Variants in WWOX observed in about 807,000 individuals in gnomAD.
WWOX encodes WW domain containing oxidoreductase.
Under a neutral mutation model 46.2 loss-of-function variants are expected in WWOX, and 69 were observed. The observed-to-expected ratio is 1.49, with a 90% CI of 1.23 to 1.82. WWOX has a LOEUF of 1.82. Among genes scored for constraint, WWOX ranks in the 40% most tolerant of loss-of-function variants. The pLI is 0.00. For missense variants in WWOX, 919 were observed against 542.6 expected, an observed-to-expected ratio of 1.69 and a Z score of -6.89; for synonymous variants, 359 against 202.6, an observed-to-expected ratio of 1.77 and a Z score of -6.56.
chr16:78,874,637 A>G (rs190186044), intron 8 of WWOX, among the ~76,000 whole-genome samples: 1 of 151,968 alleles, frequency 6.6e-6, no homozygotes, highest in Non-Finnish European at 1.5e-5. Flanking sequence ...GGTAGTGGAC[A>G]AAAATTGAAA....
At chr16:78,809,180 A>G (rs1300910325) in intron 8 of WWOX, among the ~76,000 whole-genome samples, 1 of 152,016 alleles carries the variant, frequency 6.6e-6, no homozygotes, top group Non-Finnish European at 1.5e-5. Flanking sequence ...ACTTGTGCAA[A>G]TGTTTCTCCT....
At chr16:78,856,252 T>G (rs2052563771) in intron 8 of WWOX, among the ~76,000 whole-genome samples, 1 of 152,114 alleles carries the variant, frequency 6.6e-6, no homozygotes, top group Non-Finnish European at 1.5e-5. Flanking sequence ...GAAAGGGCCT[T>G]GCAACAGGCC....
intron 5 of WWOX, among the ~76,000 whole-genome samples, chr16:78,349,781 C>T (rs1162336391): frequency 1.7e-5 from 2 of 121,004 alleles, no homozygotes; most frequent in African/African-American, 5.6e-5. Flanking sequence ...GTGACAAATT[C>T]AGTGTAGAAA....
rs578040238 is a variant in WWOX at position 78,994,536 on chromosome 16, A to G, written c.1057-217072A>G. The G allele has an allele frequency of 3.9e-5, 6 of 152,318 alleles. No homozygotes were observed. In the East Asian group the frequency reaches 7.7e-4, roughly 20 times the overall value. The allele number at this position is 152,318 out of a possible 1,614,324, so 9.4% of individuals were successfully genotyped here. On this transcript the variant is annotated intron_variant, in intron 8 of 8. Transcript: ENST00000566780. ...CAATGCGAATGGTCTTGTTCTTATC[A>G]ATGAGATCAGATTTCAGAAATGAAT...
chr16:79,015,721 C>A (rs949187284), intron 8 of WWOX, among the ~76,000 whole-genome samples: 3 of 152,242 alleles, frequency 2.0e-5, no homozygotes, highest in Non-Finnish European at 2.9e-5. Context: ...TGGGCTGTTT[C>A]GTCTCTGATC....
At chr16:78,524,820 GTTTT>G (rs36073652) in intron 8 of WWOX, among the ~76,000 whole-genome samples, 1 of 123,214 alleles carries the variant, frequency 8.1e-6, no homozygotes, top group African/African-American at 3.1e-5. Context: ...TTTTTTATGG[GTTTT>G]TTTTTTTTTT....
In WWOX at chr16:78,774,539, C is replaced by A. The variant is rs868784817; in HGVS notation, c.1056+341787C>A. On this transcript the variant is annotated intron_variant, in intron 8 of 8. Transcript: ENST00000566780. ...GTGTGTGTGTGTGTGTGTGCGCGTG[C>A]GCACACGCATGAGCCTGTACGTGTC... 7.1e-4 allele frequency among the ~76,000 whole-genome samples: 107 copies of A among 150,012 alleles called. 1 individual carries two copies. Among genetic ancestry groups the A allele is most frequent in the African/African-American group, 2.6e-3 (106 of 40,690 alleles).
At position 78,920,740 on chromosome 16, in the gene WWOX, G is replaced by A. The variant is rs1035627041; in HGVS notation, c.1057-290868G>A. 2.6e-5 allele frequency among the ~76,000 whole-genome samples: 4 copies of A among 152,250 alleles called. No individual in the cohort carries two copies. In the South Asian group the frequency reaches 8.3e-4, roughly 32 times the overall value. On this transcript the variant is annotated intron_variant, in intron 8 of 8. Coordinates refer to ENST00000566780, the MANE Select transcript of WWOX (RefSeq NM_016373.4). ...AAGTGTGACCTACTTTTTATTATCA[G>A]CACCATTTCATCTGCAAAACACGAC...
chr16:78,335,023 G>A (rs1352280119), intron 5 of WWOX, among the ~76,000 whole-genome samples: 1 of 152,034 alleles, frequency 6.6e-6, no homozygotes, highest in Non-Finnish European at 1.5e-5. Flanking sequence ...TGGACCTGCA[G>A]TGTCAGCATC....
chr16:78,769,602 C>G (rs953113188), intron 8 of WWOX, among the ~76,000 whole-genome samples: 2 of 142,952 alleles, frequency 1.4e-5, no homozygotes, highest in Non-Finnish European at 3.0e-5. Flanking sequence ...GTCTGTTACT[C>G]CATCAGTCAG....
intron 5 of WWOX, among the ~76,000 whole-genome samples, chr16:78,288,749 C>A (rs567936329): frequency 2.0e-5 from 3 of 152,262 alleles, no homozygotes; most frequent in Admixed American, 1.3e-4. Flanking sequence ...TTTGAACTAA[C>A]CACAATGGGT....
chr16:78,453,422 CAA>C lies in WWOX; in HGVS notation c.1056+20685_1056+20686del, dbSNP rs112120810. On this transcript the variant is annotated intron_variant, in intron 8 of 8. Coordinates refer to ENST00000566780, the MANE Select transcript of WWOX (RefSeq NM_016373.4). The stretch of plus-strand genomic sequence containing the variant: ...TGGGCGCATGAGCGAGACTATGTCT[CAA>C]AAAAAAAAAAAAAATTTCTTATTCA... 4.3e-4 allele frequency among the ~76,000 whole-genome samples: 46 copies of C among 107,156 alleles called. 1 individual carries two copies. The highest frequency in any genetic ancestry group is 1.7e-3 in the South Asian group (6 of 3,568). The allele number at this position is 107,156 out of a possible 152,430, so 70.3% of individuals were successfully genotyped here. A position where few individuals can be genotyped will look rare whatever the true frequency, so the allele number is the denominator to read the frequency against.
chr16:78,860,203 C>T (rs956201825), intron 8 of WWOX, among the ~76,000 whole-genome samples: 5 of 152,262 alleles, frequency 3.3e-5, no homozygotes, highest in Admixed American at 2.6e-4. Context: ...CAAATATTTA[C>T]TTATACTGTG....
chr16:78,850,505 G>A (rs2052415108), intron 8 of WWOX, among the ~76,000 whole-genome samples: 1 of 152,128 alleles, frequency 6.6e-6, no homozygotes, highest in Admixed American at 6.6e-5. Flanking sequence ...ACCGTTTATA[G>A]TTTTTTTACT....
At chr16:79,029,994 A>G (rs192707019) in intron 8 of WWOX, among the ~76,000 whole-genome samples, 234 of 152,336 alleles carry the variant, frequency 1.5e-3, no homozygotes, top group Admixed American at 1.2e-3. Context: ...GCCAACCGCT[A>G]TGAACTCTGA....
At chr16:78,625,987 C>G (rs2046302234) in intron 8 of WWOX, among the ~76,000 whole-genome samples, 2 of 151,434 alleles carry the variant, frequency 1.3e-5, no homozygotes. Context: ...TGGCACCAAC[C>G]TAATATTGTT....
At chr16:78,459,795 A>G (rs969844549) in intron 8 of WWOX, among the ~76,000 whole-genome samples, 2 of 151,708 alleles carry the variant, frequency 1.3e-5, no homozygotes, top group African/African-American at 4.8e-5. Flanking sequence ...GTTAGACTAG[A>G]TTTTATTTTA....
At chr16:79,059,049 T>A (rs1434352872) in intron 8 of WWOX, among the ~76,000 whole-genome samples, 2 of 152,254 alleles carry the variant, frequency 1.3e-5, no homozygotes, top group Non-Finnish European at 1.5e-5. Context: ...GAGATTGTTA[T>A]CAGTCATAAG....
chr16:79,037,198 C>A (rs952239311), intron 8 of WWOX, among the ~76,000 whole-genome samples: 1 of 152,154 alleles, frequency 6.6e-6, no homozygotes, highest in Non-Finnish European at 1.5e-5. Flanking sequence ...GCAGTCTTGG[C>A]CCTGTAATTG....
Sources: gnomAD v4.1 joint callset for allele counts (sites outside exome capture counted in the v4.1 genomes callset) on GRCh38, gnomAD v4.1.1 for gene constraint, MANE v1.5 for transcripts, NCBI Gene and HGNC (gene_info 2026-07-23, HGNC 2026-07-21) for gene names.